Variants in ELF1 observed in about 807,000 individuals in gnomAD.
ELF1 encodes ETS-related transcription factor Elf-1.
Under a neutral mutation model 59.9 loss-of-function variants are expected in ELF1, and 24 were observed. The ratio of observed to expected loss-of-function variants is 0.40; its 90% CI spans 0.29 to 0.56. The LOEUF is 0.56. Ranked by LOEUF, ELF1 falls within the 20% of genes least tolerant of loss-of-function variation. The pLI is 0.44. For synonymous variants in ELF1, 248 were observed against 266.2 expected, an observed-to-expected ratio of 0.93 and a Z score of 0.67; for missense variants, 627 against 742.2, an observed-to-expected ratio of 0.84 and a Z score of 1.80.
At chr13:41,042,086 G>C (rs1287318057) in intron 1 of ELF1, among the ~76,000 whole-genome samples, 3 of 152,054 alleles carry the variant, frequency 2.0e-5, no homozygotes, top group African/African-American at 4.8e-5. Context: ...GCAGTGGCAC[G>C]ATCTAAGCTC....
chr13:40,988,635 C>T (rs1873680549), intron 1 of ELF1, among the ~76,000 whole-genome samples: 1 of 152,102 alleles, frequency 6.6e-6, no homozygotes, highest in South Asian at 2.1e-4. Flanking sequence ...TAGAGTTTTA[C>T]TATTATTATC....
chr13:40,982,765 A>G (rs1454371169), intron 1 of ELF1: 2 of 588,036 alleles, frequency 3.4e-6, no homozygotes, highest in African/African-American at 4.0e-5. Flanking sequence ...AGTAAGAAGT[A>G]TTTTTAAATC....
chr13:40,935,296 A>C (rs1869691030), intron 8 of ELF1, among the ~76,000 whole-genome samples: 1 of 152,226 alleles, frequency 6.6e-6, no homozygotes, highest in South Asian at 2.1e-4. Context: ...AAGTTATTTA[A>C]TGAAAGATAC....
chr13:40,948,989 A>G (rs1870675799), intron 5 of ELF1, among the ~76,000 whole-genome samples: 1 of 152,164 alleles, frequency 6.6e-6, no homozygotes, highest in Admixed American at 6.6e-5. Context: ...TTTAATTATT[A>G]TCATTATTTT....
At chr13:40,982,741 T>C (rs1873350845) in intron 1 of ELF1, 1 of 408,760 alleles carries the variant, frequency 2.4e-6, no homozygotes, top group Non-Finnish European at 3.3e-6. Context: ...TAAAATCAAA[T>C]ACATTTAAAG....
In ELF1 at chr13:40,982,246, A is replaced by T. The variant is rs1873316934; in HGVS notation, c.-192T>A. 7.9e-7 allele frequency: 1 copy of T among 1,271,268 alleles called. No individual in the cohort carries two copies. Among genetic ancestry groups the T allele is most frequent in the African/African-American group, 1.5e-5 (1 of 64,786 alleles). The allele number at this position is 1,271,268 out of a possible 1,614,324, so 78.7% of individuals were successfully genotyped here. ...TTGATATTCTAGTCAAATTGAGACA[A>T]TTTTTCTGAAATTTTTCTTCTCTCA... On this transcript the variant is annotated 5_prime_UTR_variant, in exon 2 of 9. In the 5' UTR this introduces an upstream ATG that the reference lacks. Transcript: ENST00000239882.
intron 1 of ELF1, among the ~76,000 whole-genome samples, chr13:41,002,841 T>G (rs532433422): frequency 8.4e-4 from 128 of 152,246 alleles, no homozygotes; most frequent in African/African-American, 2.8e-3. Context: ...CATTCTCCCA[T>G]GTAATTCAGT....
intron 1 of ELF1, among the ~76,000 whole-genome samples, chr13:41,034,381 G>A (rs1213156000): frequency 6.6e-6 from 1 of 152,172 alleles, no homozygotes; most frequent in Non-Finnish European, 1.5e-5. Context: ...GACTGCATAA[G>A]ACGTTAACAT....
chr13:41,057,647 C>G (rs985759629), intron 1 of ELF1, among the ~76,000 whole-genome samples: 6 of 152,162 alleles, frequency 3.9e-5, no homozygotes, highest in African/African-American at 1.4e-4. Flanking sequence ...GCTAGGATTA[C>G]AAGCATAAGC....
intron 2 of ELF1, among the ~76,000 whole-genome samples, chr13:40,959,650 G>A (rs911334556): frequency 3.9e-5 from 6 of 152,062 alleles, no homozygotes; most frequent in East Asian, 3.8e-4. Flanking sequence ...TTACACTGTC[G>A]CTTGGCACAA....
At chr13:40,938,589 T>C (rs1389112755) in intron 8 of ELF1, among the ~76,000 whole-genome samples, 1 of 152,226 alleles carries the variant, frequency 6.6e-6, no homozygotes, top group Non-Finnish European at 1.5e-5. Context: ...CTTGCTTCAG[T>C]TTCCACATCT....
chr13:41,023,326 T>C (rs182410244), upstream of ELF1, among the ~76,000 whole-genome samples: 474 of 152,290 alleles, frequency 3.1e-3, 3 homozygotes, highest in African/African-American at 0.011. Flanking sequence ...CTAGGAAACT[T>C]AGGCTAAAAA....
At chr13:41,039,573 AT>A (rs1169992018) in intron 1 of ELF1, among the ~76,000 whole-genome samples, 2 of 152,202 alleles carry the variant, frequency 1.3e-5, no homozygotes, top group Non-Finnish European at 2.9e-5. Flanking sequence ...AGATTGACCA[AT>A]TAACATCCAA....
intron 1 of ELF1, among the ~76,000 whole-genome samples, chr13:41,057,325 T>G (rs1425915358): frequency 6.6e-6 from 1 of 151,462 alleles, no homozygotes; most frequent in Non-Finnish European, 1.5e-5. Context: ...CCTGGCTAAT[T>G]TTTTTTTAAT....
chr13:40,955,794 G>A (rs1428627616), intron 3 of ELF1, among the ~76,000 whole-genome samples: 7 of 124,438 alleles, frequency 5.6e-5, no homozygotes, highest in South Asian at 2.6e-4. Flanking sequence ...CCCCCCGCCC[G>A]GCCAGCCGCC....
At chr13:41,008,106 C>T (rs969463737) in intron 1 of ELF1, among the ~76,000 whole-genome samples, 1 of 152,182 alleles carries the variant, frequency 6.6e-6, no homozygotes, top group African/African-American at 2.4e-5. Context: ...CCATTAAATA[C>T]ATATGTTTTT....
intron 1 of ELF1, among the ~76,000 whole-genome samples, chr13:41,058,849 T>G (rs758833999): frequency 6.6e-6 from 1 of 152,240 alleles, no homozygotes; most frequent in Admixed American, 6.5e-5. Context: ...GGCGGGTGTC[T>G]GTAGTCCCAG....
chr13:41,009,666 A>G (rs1874939168), intron 1 of ELF1, among the ~76,000 whole-genome samples: 1 of 152,144 alleles, frequency 6.6e-6, no homozygotes, highest in Admixed American at 6.6e-5. Flanking sequence ...TCCCAATTTT[A>G]AAGAATTGGT....
intron 1 of ELF1, among the ~76,000 whole-genome samples, chr13:41,026,495 C>A (rs1232104143): frequency 1.3e-5 from 2 of 152,178 alleles, no homozygotes; most frequent in Non-Finnish European, 2.9e-5. Flanking sequence ...GGCCATATGA[C>A]CCAGCAGATC....
Sources: allele counts gnomAD v4.1 joint callset (sites outside exome capture counted in the v4.1 genomes callset), GRCh38; gene constraint gnomAD v4.1.1; transcripts MANE v1.5; gene names NCBI Gene and HGNC (gene_info 2026-07-23, HGNC 2026-07-21).